Variants in SOX6 observed in about 807,000 individuals in gnomAD.
SOX6 encodes the protein transcription factor SOX-6.
In SOX6, 11 loss-of-function variants were observed where a neutral mutation model predicts 97.8. That is an observed-to-expected ratio of 0.11 (90% CI 0.07 to 0.19). SOX6 has a LOEUF of 0.19. SOX6 is among the 10% of genes least tolerant of loss of function. The pLI is 1.00. For missense variants in SOX6, 810 were observed against 1,039.5 expected (o/e 0.78, Z 3.04); for synonymous variants, 360 against 371.4 (o/e 0.97, Z 0.35).
intron 9 of SOX6, among the ~76,000 whole-genome samples, chr11:16,083,573 T>C (rs1414245942): frequency 6.6e-6 from 1 of 152,174 alleles, no homozygotes; most frequent in Non-Finnish European, 1.5e-5. Flanking sequence ...TCTTGGCCAA[T>C]TCAGTTGAAT....
intron 4 of SOX6, among the ~76,000 whole-genome samples, chr11:16,228,986 TA>T (rs1160905391): frequency 1.3e-5 from 2 of 152,166 alleles, no homozygotes; most frequent in Non-Finnish European, 2.9e-5. Context: ...AATAATCTAT[TA>T]TTTCTTAAAT....
At position 16,458,537 on chromosome 11, in the gene SOX6, C is replaced by G. The variant is rs545681256; in HGVS notation, c.-5+17778G>C. 3.3e-5 allele frequency among the ~76,000 whole-genome samples: 5 copies of G among 152,176 alleles called. No homozygotes were observed. In the South Asian group the frequency reaches 1.0e-3, roughly 32 times the overall value. Reference sequence around the variant, plus strand: ...AGAGGCTTGATAAGATAAAGCTTCACTGATGAACAGGAAGCAGGAAGAGGA... The same window carrying G: ...AGAGGCTTGATAAGATAAAGCTTCAGTGATGAACAGGAAGCAGGAAGAGGA... On this transcript the variant is annotated intron_variant, in intron 1 of 15. Coordinates refer to the SOX6 transcript ENST00000396356.
At chr11:16,719,472 T>C (rs557154926) in intron 2 of SOX6, among the ~76,000 whole-genome samples, 20 of 152,362 alleles carry the variant, frequency 1.3e-4, no homozygotes, top group Non-Finnish European at 2.2e-4. Context: ...TTATCAGTTT[T>C]GCCTGCTTCC....
At chr11:16,274,710 T>C (rs1445832326) in intron 3 of SOX6, among the ~76,000 whole-genome samples, 2 of 152,134 alleles carry the variant, frequency 1.3e-5, no homozygotes, top group Non-Finnish European at 2.9e-5. Context: ...AAAAATGAAG[T>C]TATTCCTCAG....
In SOX6 at chr11:16,386,342, G is replaced by C. The variant is rs117337285; in HGVS notation, c.-4-45090C>G. ...ATTGGAAAAACCTTTTTTGCGGGGG[G>C]CAGGTGGGGGGTGAAGTAACTGAGT... On this transcript the variant is annotated intron_variant, in intron 1 of 15. Transcript: ENST00000396356. 3.2e-3 allele frequency among the ~76,000 whole-genome samples: 485 copies of C among 150,672 alleles called. 8 individuals carry two copies. The East Asian group carries it at 0.038, about 12-fold the overall frequency.
At chr11:16,187,242 T>C (rs1851503081) in intron 4 of SOX6, among the ~76,000 whole-genome samples, 1 of 152,164 alleles carries the variant, frequency 6.6e-6, no homozygotes, top group African/African-American at 2.4e-5. Context: ...TTCTCCTTTT[T>C]GCCCCCAATC....
chr11:16,076,556 T>G (rs1418583808), intron 9 of SOX6, among the ~76,000 whole-genome samples: 5 of 152,034 alleles, frequency 3.3e-5, no homozygotes. Context: ...AAGAAATACC[T>G]GAGACTGAGT....
At chr11:16,628,356 G>T (rs1012625033) in intron 3 of SOX6, among the ~76,000 whole-genome samples, 1 of 152,084 alleles carries the variant, frequency 6.6e-6, no homozygotes, top group Admixed American at 6.5e-5. Flanking sequence ...GGGCATGGTT[G>T]CTCACGCCTG....
At chr11:16,507,323 C>T (rs1207000784) in intron 4 of SOX6, among the ~76,000 whole-genome samples, 3 of 151,962 alleles carry the variant, frequency 2.0e-5, no homozygotes, top group Non-Finnish European at 4.4e-5. Context: ...AAGACTAATA[C>T]AATAACCATA....
At chr11:16,122,935 A>T (rs1027416699) in intron 6 of SOX6, among the ~76,000 whole-genome samples, 1 of 152,132 alleles carries the variant, frequency 6.6e-6, no homozygotes, top group Admixed American at 6.6e-5. Context: ...AATCTAGTCC[A>T]AACATATTTC....
intron 9 of SOX6, among the ~76,000 whole-genome samples, chr11:16,058,380 C>T (rs1394979194): frequency 2.0e-5 from 3 of 151,946 alleles, no homozygotes; most frequent in Admixed American, 1.3e-4. Context: ...CTTCCAAGGT[C>T]TTTGAACTCT....
chr11:16,019,470 G>T (rs933971226), intron 12 of SOX6, among the ~76,000 whole-genome samples: 1 of 151,938 alleles, frequency 6.6e-6, no homozygotes, highest in Non-Finnish European at 1.5e-5. Flanking sequence ...GGTAAAAAAT[G>T]ATTATCTCAT....
At chr11:16,404,788 A>C (rs1250174209) in intron 1 of SOX6, among the ~76,000 whole-genome samples, 1 of 152,020 alleles carries the variant, frequency 6.6e-6, no homozygotes, top group East Asian at 1.9e-4. Flanking sequence ...CCGTTATTTT[A>C]AATCTGTAAG....
intron 1 of SOX6, among the ~76,000 whole-genome samples, chr11:16,349,291 C>T (rs1304667123): frequency 1.3e-5 from 2 of 151,992 alleles, no homozygotes; most frequent in Non-Finnish European, 2.9e-5. Flanking sequence ...GGGGCTTTTT[C>T]CATCAATAAT....
chr11:16,182,257 G>A (rs1172370969), intron 6 of SOX6, among the ~76,000 whole-genome samples: 1 of 151,732 alleles, frequency 6.6e-6, no homozygotes, highest in Non-Finnish European at 1.5e-5. Context: ...GAATAAACAA[G>A]TAAGTTATAA....
intron 9 of SOX6, among the ~76,000 whole-genome samples, chr11:16,070,377 T>TA (rs548585545): frequency 7.9e-5 from 12 of 151,390 alleles, no homozygotes; most frequent in Non-Finnish European, 1.8e-4. Flanking sequence ...CTAAGAAACT[T>TA]AAAAAAAATC....
At chr11:16,368,652 T>A in intron 1 of SOX6, among the ~76,000 whole-genome samples, 1 of 152,106 alleles carries the variant, frequency 6.6e-6, no homozygotes, top group East Asian at 1.9e-4. Flanking sequence ...AAAACTCAGA[T>A]AAGAAACCTT....
chr11:16,095,932 GC>G, intron 9 of SOX6, 63 bp downstream of exon 9: 6 of 1,299,500 alleles, frequency 4.6e-6, no homozygotes, highest in Non-Finnish European at 6.3e-6. Flanking sequence ...AAAAAAAAAA[GC>G]CTAGAGTATG....
chr11:16,371,440 C>A (rs1290325825), intron 1 of SOX6, among the ~76,000 whole-genome samples: 1 of 151,894 alleles, frequency 6.6e-6, no homozygotes, highest in East Asian at 1.9e-4. Flanking sequence ...TTATCTTCTA[C>A]CTTGCTTTAT....
Sources: gnomAD v4.1 joint callset for allele counts (sites outside exome capture counted in the v4.1 genomes callset) on GRCh38, gnomAD v4.1.1 for gene constraint, MANE v1.5 for transcripts, NCBI Gene and HGNC (gene_info 2026-07-23, HGNC 2026-07-21) for gene names.